Variants in CPNE2 observed in about 807,000 individuals in gnomAD.
The protein encoded by CPNE2 is copine 2.
A neutral mutation model predicts 69.7 loss-of-function variants in CPNE2; 42 were observed. That is an observed-to-expected ratio of 0.60 (90% CI 0.47 to 0.78). The LOEUF is 0.78. CPNE2 is among the 30% of genes least tolerant of loss of function. The probability of loss-of-function intolerance (pLI) is 0.00; values close to 1 mark genes in which losing one functional copy is unlikely to be tolerated. For missense variants in CPNE2, 587 were observed against 732.0 expected (o/e 0.80, Z 2.29); for synonymous variants, 294 against 289.8 (o/e 1.01, Z -0.15).
At chr16:57,102,094 C>G (rs1669408355) in intron 1 of CPNE2, among the ~76,000 whole-genome samples, 1 of 151,822 alleles carries the variant, frequency 6.6e-6, no homozygotes, top group African/African-American at 2.4e-5. Context: ...ACTACAGGCA[C>G]ATGCCACCAT....
intron 13 of CPNE2, among the ~76,000 whole-genome samples, chr16:57,135,871 C>G (rs1264696531): frequency 4.0e-5 from 1 of 24,804 alleles, no homozygotes; most frequent in Non-Finnish European, 7.2e-5. Flanking sequence ...GAGACTCTGT[C>G]TCAAAAAAAA....
intron 10 of CPNE2, 67 bp from the exon 11 acceptor site, chr16:57,125,793 C>A (rs752248239): frequency 1.0e-4 from 165 of 1,596,966 alleles, no homozygotes; most frequent in Non-Finnish European, 1.4e-4. Context: ...CTCTCCTATT[C>A]CCTGGGAGTG....
intron 14 of CPNE2, chr16:57,142,737 A>G (rs6499866): frequency 0.94 from 143,866 of 152,300 alleles, 67,971 homozygotes; most frequent in Middle Eastern, 0.99. Flanking sequence ...AGCTCCCTGG[A>G]AATTCCACCC....
chr16:57,115,600 C>T, intron 4 of CPNE2, 50 bp downstream of exon 4: 2 of 1,352,864 alleles, frequency 1.5e-6, no homozygotes, highest in Non-Finnish European at 2.1e-6. Flanking sequence ...CCACCCCACA[C>T]CCTCCCCCAT....
chr16:57,126,171 A>C (rs904904922), intron 11 of CPNE2, among the ~76,000 whole-genome samples, 178 bp downstream of exon 11: 24 of 152,232 alleles, frequency 1.6e-4, no homozygotes, highest in African/African-American at 5.8e-4. Context: ...TCAATTGCTG[A>C]ACTCTAACCT....
rs1465318741 is a variant in CPNE2 at position 57,113,278 on chromosome 16, C to G, written c.181-10C>G. The G allele has an allele frequency of 8.7e-6, 14 of 1,611,856 alleles. No individual in the cohort carries two copies. Among genetic ancestry groups the G allele is most frequent in the Non-Finnish European group, 1.2e-5 (14 of 1,178,572 alleles). On this transcript the variant is annotated splice_polypyrimidine_tract_variant and intron_variant, in intron 2 of 15. Transcript: ENST00000290776. ...TGACTCTGACTTCCATTTTCCTGCC[C>G]CTCTGCTAGTACGACAGGACAGAAA...
chr16:57,126,141 C>T (rs1188077383), intron 11 of CPNE2, 148 bp downstream of exon 11: 23 of 1,030,606 alleles, frequency 2.2e-5, no homozygotes, highest in Non-Finnish European at 3.0e-5. Flanking sequence ...CATTCCCATA[C>T]CCTTGGCAGA....
rs141079807 is a variant in CPNE2 at position 57,133,755 on chromosome 16, G to A, written c.1117-1020G>A. On this transcript the variant is annotated intron_variant, in intron 12 of 15. Transcript: ENST00000290776. ...CTCAGTTCGAGTCCCAGCTCTGCCCGCCAGGAAATGTGGGAAAATTCTAGT... is the reference window on the plus strand; with the variant it reads ...CTCAGTTCGAGTCCCAGCTCTGCCCACCAGGAAATGTGGGAAAATTCTAGT... Among the ~76,000 whole-genome samples, 518 of 152,250 alleles carry A rather than the reference G, an allele frequency of 3.4e-3. 3 individuals carry two copies. Among genetic ancestry groups the A allele is most frequent in the African/African-American group, 0.012 (483 of 41,518 alleles).
Position 57,115,524 on chromosome 16 carries a change from A to G in CPNE2, c.409A>G (p.Lys137Glu). ...ITRPLLLLND[K>E]PAGKGLITIA... ...TAGGCCTCTGCTGCTGCTGAATGACAAGCCTGCGGGGAAGGGCTTGATTAC... is the reference window on the plus strand; with the variant it reads ...TAGGCCTCTGCTGCTGCTGAATGACGAGCCTGCGGGGAAGGGCTTGATTAC... Residue 137 changes from lysine to glutamate, a missense_variant, in exon 4 of 16, where the codon AAG (lysine) becomes GAG (glutamate). Physicochemically the swap from Lys to Glu is moderately conservative, Grantham distance 56. Around this residue, in one of 5 missense-constraint regions of CPNE2, gnomAD observed 269 missense variants for 300.5 expected, o/e 0.90. Transcript: ENST00000290776. 1 of 1,611,986 alleles carries G rather than the reference A, an allele frequency of 6.2e-7. No individual in the cohort carries two copies.
At chr16:57,127,356 G>A (rs1410040816) in intron 11 of CPNE2, among the ~76,000 whole-genome samples, 2 of 152,216 alleles carry the variant, frequency 1.3e-5, no homozygotes, top group Non-Finnish European at 2.9e-5. Context: ...CAGTGGCCAG[G>A]GCTAGGGGAG....
chr16:57,113,055 G>T (rs1420688682), intron 2 of CPNE2: 13 of 467,790 alleles, frequency 2.8e-5, no homozygotes, highest in Non-Finnish European at 4.6e-5. Flanking sequence ...TCAGACCTCG[G>T]TTTCAAATCT....
chr16:57,134,326 C>G (rs1461332917), intron 12 of CPNE2, among the ~76,000 whole-genome samples: 1 of 152,186 alleles, frequency 6.6e-6, no homozygotes, highest in Non-Finnish European at 1.5e-5. Context: ...AGGCAGGCTC[C>G]CCTCTAAGCC....
intron 1 of CPNE2, among the ~76,000 whole-genome samples, chr16:57,099,822 C>T (rs1242616397): frequency 1.4e-5 from 2 of 140,768 alleles, no homozygotes; most frequent in African/African-American, 5.3e-5. Context: ...TGTTGCCAGG[C>T]TGGAGTGCAG....
chr16:57,098,651 C>T (rs910659112), intron 1 of CPNE2, among the ~76,000 whole-genome samples: 10 of 152,186 alleles, frequency 6.6e-5, no homozygotes. Context: ...TTCTGGAATT[C>T]TGTGAACCTC....
intron 4 of CPNE2, among the ~76,000 whole-genome samples, chr16:57,115,935 C>G (rs1428990972): frequency 6.6e-6 from 1 of 152,234 alleles, no homozygotes; most frequent in African/African-American, 2.4e-5. Context: ...GCCCTTCGCC[C>G]GGATGAGCTC....
At chr16:57,107,512 G>A (rs943835447) in intron 1 of CPNE2, among the ~76,000 whole-genome samples, 7 of 152,162 alleles carry the variant, frequency 4.6e-5, no homozygotes, top group East Asian at 3.9e-4. Context: ...AGAGGCTGGC[G>A]CTCCAGAGTG....
intron 14 of CPNE2, among the ~76,000 whole-genome samples, chr16:57,137,821 C>T (rs1202903861): frequency 1.3e-5 from 2 of 152,230 alleles, no homozygotes; most frequent in East Asian, 1.9e-4. Flanking sequence ...TCCCTTCTCC[C>T]GCCCCCAGCT....
At chr16:57,098,708 C>G (rs1401691564) in intron 1 of CPNE2, among the ~76,000 whole-genome samples, 2 of 152,214 alleles carry the variant, frequency 1.3e-5, no homozygotes, top group African/African-American at 4.8e-5. Flanking sequence ...TCCTCTTCCT[C>G]TCACCTTTTC....
At chr16:57,116,375 G>A (rs1471713129) in intron 4 of CPNE2, among the ~76,000 whole-genome samples, 1 of 152,026 alleles carries the variant, frequency 6.6e-6, no homozygotes, top group Non-Finnish European at 1.5e-5. Flanking sequence ...CAACCTCTTG[G>A]TTCCTAACTG....
Sources: allele counts gnomAD v4.1 joint callset (sites outside exome capture counted in the v4.1 genomes callset), GRCh38; gene constraint gnomAD v4.1.1; regional missense constraint gnomAD v4.1.1; transcripts MANE v1.5; gene names NCBI Gene and HGNC (gene_info 2026-07-23, HGNC 2026-07-21).